The following KIAA1671 variants were observed in gnomAD, a reference collection of about 807,000 sequenced individuals.
The protein encoded by KIAA1671 is KIAA1671.
KIAA1671 carries 52 observed loss-of-function variants against 131.2 expected under a neutral mutation model. The ratio of observed to expected loss-of-function variants is 0.40; its 90% CI spans 0.32 to 0.50. The LOEUF (loss-of-function observed/expected upper bound fraction) is 0.50. Among genes scored for constraint, KIAA1671 ranks in the 20% least tolerant of loss-of-function variants. The pLI is 0.73. For missense variants in KIAA1671, 2,360 were observed against 2,364.2 expected (o/e 1.00, Z 0.04); for synonymous variants, 1,003 against 961.6 (o/e 1.04, Z -0.80).
At chr22:25,155,177 G>A (rs1933187176) in intron 6 of KIAA1671, among the ~76,000 whole-genome samples, 2 of 152,190 alleles carry the variant, frequency 1.3e-5, no homozygotes, top group Non-Finnish European at 1.5e-5. Context: ...TTCCACATCA[G>A]CCCTTCAATT....
intron 3 of KIAA1671, among the ~76,000 whole-genome samples, chr22:25,031,193 ATT>A (rs58221822): frequency 0.19 from 21,149 of 112,426 alleles, 1,465 homozygotes; most frequent in South Asian, 0.26. Context: ...CACCCAGCTA[ATT>A]TTTTTTTTTT....
chr22:25,030,585 G>T (rs1926232781), intron 3 of KIAA1671, among the ~76,000 whole-genome samples: 1 of 152,076 alleles, frequency 6.6e-6, no homozygotes, highest in African/African-American at 2.4e-5. Flanking sequence ...TTAGTCATTT[G>T]GTTAATACTG....
In KIAA1671 at chr22:24,995,146, G is replaced by A. The variant is rs372021884; in HGVS notation, c.-207-30487G>A. On this transcript the variant is annotated intron_variant, in intron 1 of 12. Coordinates refer to ENST00000358431, the MANE Select transcript of KIAA1671 (RefSeq NM_001145206.2). ...GCTCACTGCAAGCTCCGCCTCCCGGGTTCACGCCATTCTCCTGCCTCAGCC... is the reference window on the plus strand; with the variant it reads ...GCTCACTGCAAGCTCCGCCTCCCGGATTCACGCCATTCTCCTGCCTCAGCC... Among the ~76,000 whole-genome samples the A allele has an allele frequency of 1.5e-3, 221 of 151,502 alleles. 5 individuals are homozygous for A. The South Asian group carries it at 0.045, about 31-fold the overall frequency.
At chr22:25,128,701 C>T (rs1201651833) in intron 6 of KIAA1671, among the ~76,000 whole-genome samples, 1 of 152,138 alleles carries the variant, frequency 6.6e-6, no homozygotes, top group African/African-American at 2.4e-5. Context: ...TCTCTTTGCA[C>T]CCCCATAAGC....
At chr22:25,087,946 C>T (rs1415750806) in intron 6 of KIAA1671, among the ~76,000 whole-genome samples, 4 of 152,172 alleles carry the variant, frequency 2.6e-5, no homozygotes, top group Non-Finnish European at 5.9e-5. Flanking sequence ...CCACCTTTAG[C>T]GAGGCTTCAG....
At chr22:25,189,108 T>C (rs1934575353) in intron 11 of KIAA1671, among the ~76,000 whole-genome samples, 1 of 148,850 alleles carries the variant, frequency 6.7e-6, no homozygotes, top group Non-Finnish European at 1.5e-5. Flanking sequence ...CTCTTCTTCC[T>C]GGGAGGCCAG....
intron 6 of KIAA1671, among the ~76,000 whole-genome samples, chr22:25,125,426 T>C (rs985978485): frequency 5.3e-5 from 8 of 152,168 alleles, no homozygotes; most frequent in Non-Finnish European, 7.4e-5. Context: ...AGTCACCTAG[T>C]TCATAGTCGA....
intron 2 of KIAA1671, 137 bp from the exon 3 acceptor site, chr22:25,027,808 G>A (rs968599507): frequency 2.0e-6 from 1 of 490,624 alleles, no homozygotes; most frequent in South Asian, 4.3e-5. Flanking sequence ...GCCCAAGCCT[G>A]CCGGGTGAGG....
chr22:25,043,597 G>C (rs1180905364), intron 5 of KIAA1671, among the ~76,000 whole-genome samples: 1 of 152,168 alleles, frequency 6.6e-6, no homozygotes, highest in Non-Finnish European at 1.5e-5. Context: ...GGGGAGATGG[G>C]CCATTGTGAT....
In KIAA1671 at chr22:25,127,191, C is replaced by T. The variant is rs187383762; in HGVS notation, c.4531-43629C>T. Among the ~76,000 whole-genome samples the T allele has an allele frequency of 7.9e-4, 121 of 152,306 alleles. 1 individual carries two copies. The highest frequency in any genetic ancestry group is 6.6e-3 in the Admixed American group (101 of 15,300). On this transcript the variant is annotated intron_variant, in intron 6 of 12. Coordinates refer to ENST00000358431, the MANE Select transcript of KIAA1671 (RefSeq NM_001145206.2). The stretch of plus-strand genomic sequence containing the variant: ...TGGTGGTGAGAATTCCATACAGTAA[C>T]GAGTGTGCTGGGCACACTGGTAGGT...
At chr22:24,978,237 G>A (rs1923015447) in intron 1 of KIAA1671, among the ~76,000 whole-genome samples, 2 of 152,108 alleles carry the variant, frequency 1.3e-5, no homozygotes, top group Admixed American at 6.5e-5. Context: ...TCCCCATGCT[G>A]TTCTTTTGGT....
intron 1 of KIAA1671, among the ~76,000 whole-genome samples, chr22:24,973,522 G>A (rs1040745994): frequency 6.9e-6 from 1 of 144,668 alleles, no homozygotes; most frequent in Non-Finnish European, 1.5e-5. Flanking sequence ...AGCCTCCCAA[G>A]TAGCTGGGAT....
intron 10 of KIAA1671, among the ~76,000 whole-genome samples, chr22:25,182,673 C>T (rs1601390809): frequency 6.6e-6 from 1 of 152,314 alleles, no homozygotes; most frequent in Non-Finnish European, 1.5e-5. Flanking sequence ...CTTTCTGACT[C>T]TCCTCCGCCC....
chr22:25,132,479 G>A (rs1024440161), intron 6 of KIAA1671, among the ~76,000 whole-genome samples: 8 of 152,158 alleles, frequency 5.3e-5, no homozygotes, highest in Admixed American at 2.0e-4. Context: ...TGAGCGACCC[G>A]GGGGCAAGTT....
intron 6 of KIAA1671, chr22:25,059,632 C>G (rs1432877869): frequency 6.6e-6 from 1 of 152,308 alleles, no homozygotes; most frequent in Non-Finnish European, 1.5e-5. Context: ...GGCAGGGGAA[C>G]TAGAAAGACT....
At chr22:25,136,928 C>T (rs1932703191) in intron 6 of KIAA1671, among the ~76,000 whole-genome samples, 2 of 152,112 alleles carry the variant, frequency 1.3e-5, no homozygotes, top group South Asian at 4.1e-4. Context: ...GATACGGATA[C>T]TTCAGGCATT....
intron 4 of KIAA1671, among the ~76,000 whole-genome samples, chr22:25,035,071 G>A (rs111941149): frequency 8.6e-6 from 1 of 115,968 alleles, no homozygotes. Context: ...TTTTGAGACA[G>A]AGTCTTACTC....
intron 6 of KIAA1671, among the ~76,000 whole-genome samples, chr22:25,127,048 T>C (rs564047276): frequency 6.6e-6 from 1 of 152,314 alleles, no homozygotes; most frequent in South Asian, 2.1e-4. Flanking sequence ...ATCTTTGCAG[T>C]AAAATCAGCT....
chr22:25,106,639 A>G (rs1931015566), intron 6 of KIAA1671, among the ~76,000 whole-genome samples: 1 of 152,224 alleles, frequency 6.6e-6, no homozygotes, highest in South Asian at 2.1e-4. Context: ...GAATAAGGCA[A>G]GTGAGGTGCT....
Sources: allele counts gnomAD v4.1 joint callset (sites outside exome capture counted in the v4.1 genomes callset), GRCh38; gene constraint gnomAD v4.1.1; transcripts MANE v1.5; gene names NCBI Gene and HGNC (gene_info 2026-07-23, HGNC 2026-07-21).